Variants in NELL1 observed in about 807,000 individuals in gnomAD.
NELL1 encodes neural EGFL like 1.
A neutral mutation model predicts 107.4 loss-of-function variants in NELL1; 76 were observed. The ratio of observed to expected loss-of-function variants is 0.71; its 90% confidence interval spans 0.59 to 0.86. NELL1 has a LOEUF of 0.86. Among genes scored for constraint, NELL1 ranks in the 40% least tolerant of loss-of-function variants. The pLI is 0.00. For missense variants in NELL1, 1,024 were observed against 1,005.5 expected, an observed-to-expected ratio of 1.02 and a Z score of -0.25; for synonymous variants, 353 against 341.2, an observed-to-expected ratio of 1.03 and a Z score of -0.38.
At chr11:21,267,571 G>T (rs1403998250) in intron 14 of NELL1, among the ~76,000 whole-genome samples, 2 of 151,740 alleles carry the variant, frequency 1.3e-5, no homozygotes, top group Admixed American at 1.3e-4. Context: ...ACTTTTGTTT[G>T]TAAGTGTGTG....
chr11:21,485,341 T>C (rs1854597653), intron 15 of NELL1, among the ~76,000 whole-genome samples: 1 of 152,050 alleles, frequency 6.6e-6, no homozygotes, highest in Non-Finnish European at 1.5e-5. Flanking sequence ...GGGACCAAGA[T>C]GTGAGGAAAT....
chr11:21,332,108 T>A (rs1173864008), intron 14 of NELL1, among the ~76,000 whole-genome samples: 1 of 152,084 alleles, frequency 6.6e-6, no homozygotes, highest in East Asian at 1.9e-4. Context: ...GACTCTCAGC[T>A]CTTACTGATC....
chr11:21,453,115 A>G (rs1853628551), intron 15 of NELL1, among the ~76,000 whole-genome samples: 1 of 152,224 alleles, frequency 6.6e-6, no homozygotes, highest in South Asian at 2.1e-4. Flanking sequence ...CTAAATGTCA[A>G]TAAGGATATT....
At chr11:21,501,675 C>A (rs7948988) in intron 15 of NELL1, among the ~76,000 whole-genome samples, 7,116 of 152,226 alleles carry the variant, frequency 0.047, 257 homozygotes, top group Non-Finnish European at 0.071. Context: ...ATGACAAAAA[C>A]GCTTTGCAGC....
intron 1 of NELL1, among the ~76,000 whole-genome samples, chr11:20,670,868 G>T (rs375311464): frequency 2.0e-5 from 3 of 152,064 alleles, no homozygotes; most frequent in East Asian, 1.9e-4. Context: ...CTTTAGAGGC[G>T]TGGCCTTCTC....
At chr11:21,421,714 G>A (rs553479650) in intron 15 of NELL1, among the ~76,000 whole-genome samples, 23 of 152,184 alleles carry the variant, frequency 1.5e-4, no homozygotes, top group African/African-American at 5.1e-4. Context: ...AGAAAAAGGA[G>A]CAGAGAGATT....
At chr11:20,971,390 C>T (rs1183164629) in intron 12 of NELL1, among the ~76,000 whole-genome samples, 1 of 152,160 alleles carries the variant, frequency 6.6e-6, no homozygotes, top group Non-Finnish European at 1.5e-5. Context: ...CCCTGCTTTT[C>T]AGGGACAAGT....
At chr11:20,858,797 AC>A (rs1417644672) in intron 4 of NELL1, among the ~76,000 whole-genome samples, 1 of 152,108 alleles carries the variant, frequency 6.6e-6, no homozygotes, top group Non-Finnish European at 1.5e-5. Flanking sequence ...TCCACAATTA[AC>A]CGTTTGTAGG....
chr11:21,398,879 A>C (rs910332477), intron 15 of NELL1, among the ~76,000 whole-genome samples: 4 of 151,748 alleles, frequency 2.6e-5, no homozygotes, highest in African/African-American at 7.3e-5. Context: ...TTACACTTTT[A>C]AGTGAATTTA....
At chr11:21,420,105 G>A (rs767236796) in intron 15 of NELL1, among the ~76,000 whole-genome samples, 2 of 151,914 alleles carry the variant, frequency 1.3e-5, no homozygotes, top group Non-Finnish European at 2.9e-5. Context: ...TTGCACACTT[G>A]GTCCATTCAA....
chr11:20,948,027 A>T (rs559212694), intron 11 of NELL1, among the ~76,000 whole-genome samples: 1 of 152,050 alleles, frequency 6.6e-6, no homozygotes, highest in South Asian at 2.1e-4. Context: ...TTTATTCTTT[A>T]TTTAAATTTT....
intron 2 of NELL1, among the ~76,000 whole-genome samples, chr11:20,699,999 T>C (rs971291956): frequency 6.6e-6 from 1 of 151,340 alleles, no homozygotes; most frequent in African/African-American, 2.4e-5. Flanking sequence ...TGGTATCTCA[T>C]TGTGGTTTTA....
intron 13 of NELL1, among the ~76,000 whole-genome samples, chr11:21,124,162 A>G (rs184604230): frequency 1.5e-3 from 234 of 152,292 alleles, no homozygotes; most frequent in Middle Eastern, 0.01. Context: ...ATATAAGACA[A>G]TGAACCTATA....
Position 20,854,290 on chromosome 11 carries a change from A to G in NELL1, c.506+6537A>G, listed in dbSNP as rs141726726. ...GTCTCTGGGCTTTAGCTTCCTAAGT[A>G]TAAAATGTGGGGCTAGGACTAGATG... is the stretch of plus-strand genomic sequence containing the variant. On this transcript the variant is annotated intron_variant, in intron 4 of 19. Coordinates refer to ENST00000357134, the MANE Select transcript of NELL1 (RefSeq NM_006157.5). Among the ~76,000 whole-genome samples the G allele has an allele frequency of 5.3e-5, 8 of 152,330 alleles. No homozygotes were observed. The East Asian group carries it at 1.5e-3, about 29-fold the overall frequency.
At chr11:21,151,219 T>C (rs1161835695) in intron 13 of NELL1, among the ~76,000 whole-genome samples, 1 of 152,218 alleles carries the variant, frequency 6.6e-6, no homozygotes, top group African/African-American at 2.4e-5. Flanking sequence ...TCTGTTTCAC[T>C]GGTCTAGAGG....
chr11:21,282,224 A>G (rs1022671303), intron 14 of NELL1, among the ~76,000 whole-genome samples: 1 of 152,202 alleles, frequency 6.6e-6, no homozygotes, highest in African/African-American at 2.4e-5. Context: ...AAGACATACA[A>G]ATGGCAAACA....
At chr11:20,802,500 T>C (rs541785933) in intron 3 of NELL1, among the ~76,000 whole-genome samples, 1 of 152,230 alleles carries the variant, frequency 6.6e-6, no homozygotes, top group South Asian at 2.1e-4. Context: ...TATAAGATTA[T>C]ATCATCTGTA....
intron 4 of NELL1, among the ~76,000 whole-genome samples, chr11:20,859,921 C>T (rs372349128): frequency 6.6e-6 from 1 of 152,196 alleles, no homozygotes; most frequent in East Asian, 1.9e-4. Flanking sequence ...ATTCCCTACC[C>T]ACTCCAACAC....
At chr11:20,711,874 T>C (rs74725644) in intron 2 of NELL1, among the ~76,000 whole-genome samples, 3,139 of 152,264 alleles carry the variant, frequency 0.021, 55 homozygotes, top group Non-Finnish European at 0.033. Context: ...AAGATCATTT[T>C]GCAATGAATT....
Sources: allele counts gnomAD v4.1 joint callset (sites outside exome capture counted in the v4.1 genomes callset), GRCh38; gene constraint gnomAD v4.1.1; transcripts MANE v1.5; gene names NCBI Gene and HGNC (gene_info 2026-07-23, HGNC 2026-07-21).